The following AUTS2 variants were observed in gnomAD, a reference collection of about 807,000 sequenced individuals.
AUTS2 encodes the protein autism susceptibility gene 2 protein.
Under a neutral mutation model 112.4 loss-of-function variants are expected in AUTS2, and 17 were observed. That is an observed-to-expected ratio of 0.15 (90% CI 0.10 to 0.23). The LOEUF (loss-of-function observed/expected upper bound fraction) is 0.23. AUTS2 is among the 10% of genes least tolerant of loss of function. The pLI, the probability that AUTS2 is intolerant of heterozygous loss-of-function variation, is 1.00. For missense variants in AUTS2, 1,510 were observed against 1,701.6 expected (o/e 0.89, Z 1.98); for synonymous variants, 751 against 702.7 (o/e 1.07, Z -1.09).
chr7:69,753,594 A>G (rs1196911932), intron 1 of AUTS2, among the ~76,000 whole-genome samples: 2 of 152,148 alleles, frequency 1.3e-5, no homozygotes, highest in Admixed American at 1.3e-4. Context: ...AGGGTGCAAT[A>G]TGGGTAATGT....
intron 4 of AUTS2, among the ~76,000 whole-genome samples, chr7:70,435,051 A>T (rs1795833109): frequency 6.6e-6 from 1 of 151,992 alleles, no homozygotes; most frequent in South Asian, 2.1e-4. Flanking sequence ...GGAATTTGGG[A>T]TCTGTTTGAT....
intron 4 of AUTS2, among the ~76,000 whole-genome samples, chr7:70,429,098 T>C (rs1795546250): frequency 6.6e-6 from 1 of 152,270 alleles, no homozygotes; most frequent in African/African-American, 2.4e-5. Flanking sequence ...TACATCTCTT[T>C]GCGTTAAGCA....
chr7:69,970,294 A>G (rs913189724), intron 2 of AUTS2, among the ~76,000 whole-genome samples: 9 of 152,250 alleles, frequency 5.9e-5, no homozygotes, highest in African/African-American at 2.2e-4. Context: ...TATGTCCTAT[A>G]AGTGATGATT....
chr7:70,121,854 A>G (rs983889441), intron 3 of AUTS2, among the ~76,000 whole-genome samples: 2 of 152,194 alleles, frequency 1.3e-5, no homozygotes, highest in African/African-American at 2.4e-5. Flanking sequence ...AATGGAAAAC[A>G]TGAACTTAAA....
At chr7:69,670,118 A>T (rs911984343) in intron 1 of AUTS2, among the ~76,000 whole-genome samples, 6 of 152,142 alleles carry the variant, frequency 3.9e-5, no homozygotes, top group Admixed American at 1.3e-4. Flanking sequence ...TTCCACCCCC[A>T]GACTGTATGT....
In AUTS2 at chr7:69,599,612, G is replaced by A. The variant is rs534062236; in HGVS notation, c.-42G>A. Reference sequence around the variant, plus strand: ...TTTTTTTTGTGTGGCTGCGGCCGTAGCCTGTGGCGGGCAAGCGGGGAGACC... The same window carrying A: ...TTTTTTTTGTGTGGCTGCGGCCGTAACCTGTGGCGGGCAAGCGGGGAGACC... On this transcript the variant is annotated 5_prime_UTR_variant, in exon 1 of 19. Transcript: ENST00000342771. The surrounding 1 kb of genome is among the most constrained non-coding windows in gnomAD (Gnocchi z 7.0). 1.4e-5 allele frequency: 18 copies of A among 1,268,744 alleles called. No individual in the cohort carries two copies. Among genetic ancestry groups the A allele is most frequent in the Non-Finnish European group, 1.8e-5 (18 of 1,009,230 alleles). The allele number at this position is 1,268,744 out of a possible 1,614,324, so 78.6% of individuals were successfully genotyped here. A position where few individuals can be genotyped will look rare whatever the true frequency, so the allele number is the denominator to read the frequency against.
At chr7:70,454,754 T>G (rs916366062) in intron 5 of AUTS2, among the ~76,000 whole-genome samples, 2 of 152,150 alleles carry the variant, frequency 1.3e-5, no homozygotes, top group African/African-American at 4.8e-5. Context: ...GAAAGTGGGC[T>G]TAAGGTTTGG....
At chr7:69,772,196 A>C (rs1233413731) in intron 1 of AUTS2, among the ~76,000 whole-genome samples, 1 of 152,180 alleles carries the variant, frequency 6.6e-6, no homozygotes, top group Non-Finnish European at 1.5e-5. Flanking sequence ...ACCTTGTGCA[A>C]TTTCTGGATA....
At chr7:69,795,600 G>GCAC (rs1356568902) in intron 1 of AUTS2, among the ~76,000 whole-genome samples, 1 of 152,118 alleles carries the variant, frequency 6.6e-6, no homozygotes, top group African/African-American at 2.4e-5. Flanking sequence ...ATAGTCCAAG[G>GCAC]CACAATAAGG....
chr7:70,409,635 A>T (rs563080785), intron 4 of AUTS2, among the ~76,000 whole-genome samples: 1 of 152,288 alleles, frequency 6.6e-6, no homozygotes, highest in East Asian at 1.9e-4. Context: ...GGGAGGGGAA[A>T]GCCTAACTCC....
At chr7:70,745,569 G>T (rs1177240561) in intron 6 of AUTS2, among the ~76,000 whole-genome samples, 1 of 152,142 alleles carries the variant, frequency 6.6e-6, no homozygotes, top group South Asian at 2.1e-4. Context: ...ATAAAAGTGT[G>T]TTTGTCCTCA....
intron 1 of AUTS2, among the ~76,000 whole-genome samples, chr7:69,627,392 G>A (rs1358467100): frequency 1.3e-5 from 2 of 152,246 alleles, no homozygotes; most frequent in South Asian, 2.1e-4. Context: ...TTGGGAGGCC[G>A]AGGCAGGAGA....
chr7:70,056,727 A>C (rs981085518), intron 2 of AUTS2, among the ~76,000 whole-genome samples: 1 of 152,188 alleles, frequency 6.6e-6, no homozygotes. Flanking sequence ...AGGATTGGCA[A>C]CTGTGTGAGG....
chr7:70,599,411 G>A (rs1027389459), intron 5 of AUTS2, among the ~76,000 whole-genome samples: 43 of 152,186 alleles, frequency 2.8e-4, no homozygotes, highest in African/African-American at 9.9e-4. Flanking sequence ...TCCTCATTAT[G>A]GAGCTGGAGG....
At chr7:70,533,017 A>T (rs543788611) in intron 5 of AUTS2, among the ~76,000 whole-genome samples, 1 of 152,190 alleles carries the variant, frequency 6.6e-6, no homozygotes, top group South Asian at 2.1e-4. Context: ...CCATAGGGAC[A>T]GTCATCAAGG....
At chr7:70,377,225 TA>T (rs1398147979) in intron 4 of AUTS2, among the ~76,000 whole-genome samples, 1 of 148,414 alleles carries the variant, frequency 6.7e-6, no homozygotes, top group Non-Finnish European at 1.5e-5. Context: ...TTAACCACAA[TA>T]AAAAATGTCC....
chr7:70,184,792 A>C (rs1308114477), intron 4 of AUTS2, among the ~76,000 whole-genome samples: 2 of 152,146 alleles, frequency 1.3e-5, no homozygotes, highest in Non-Finnish European at 2.9e-5. Context: ...TGTGTCCCTG[A>C]GGAAACTATG....
chr7:70,791,246 T>TTTGA lies in AUTS2; in HGVS notation c.*253_*256dup, dbSNP rs1165367469. On this transcript the variant is annotated 3_prime_UTR_variant, in exon 19 of 19. Transcript: ENST00000342771. The stretch of plus-strand genomic sequence containing the variant: ...ACTTTTTGTTTCTCGTATAAAACTT[T>TTTGA]TTGATTTGAACCAAAACAGTGAAGA... 1.1e-5 allele frequency: 4 copies of TTTGA among 366,800 alleles called. No individual in the cohort carries two copies. Among genetic ancestry groups the TTTGA allele is most frequent in the East Asian group, 4.2e-5 (1 of 23,838 alleles). The allele number at this position is 366,800 out of a possible 1,614,324, so 22.7% of individuals were successfully genotyped here.
At chr7:70,222,006 A>G (rs1000117519) in intron 4 of AUTS2, among the ~76,000 whole-genome samples, 2 of 152,254 alleles carry the variant, frequency 1.3e-5, no homozygotes, top group Admixed American at 1.3e-4. Flanking sequence ...TTGCCAGAGA[A>G]AAGTATATGT....
Sources: allele counts gnomAD v4.1 joint callset (sites outside exome capture counted in the v4.1 genomes callset), GRCh38; gene constraint gnomAD v4.1.1; non-coding constraint Gnocchi (gnomAD v3.1); transcripts MANE v1.5; gene names NCBI Gene and HGNC (gene_info 2026-07-23, HGNC 2026-07-21).